SOX5: variants seen among roughly 807,000 people sequenced by gnomAD.
SOX5 encodes SRY-box transcription factor 5.
In SOX5, 9 loss-of-function variants were observed where a neutral mutation model predicts 92.0. The observed-to-expected ratio is 0.10, with a 90% CI of 0.06 to 0.17. The LOEUF is 0.17. SOX5 is among the 10% of genes least tolerant of loss of function. The pLI is 1.00. For synonymous variants in SOX5, 344 were observed against 336.3 expected (o/e 1.02, Z -0.25); for missense variants, 642 against 944.5 (o/e 0.68, Z 4.20).
intron 1 of SOX5, among the ~76,000 whole-genome samples, chr12:24,433,663 G>A (rs1371199163): frequency 6.6e-6 from 1 of 152,190 alleles, no homozygotes; most frequent in Non-Finnish European, 1.5e-5. Context: ...TCATCTTCCT[G>A]AAACTTTCTT....
chr12:24,446,293 G>A (rs1407751387), intron 1 of SOX5, among the ~76,000 whole-genome samples: 3 of 152,088 alleles, frequency 2.0e-5, no homozygotes, highest in Non-Finnish European at 2.9e-5. Flanking sequence ...GACTACCCTA[G>A]ATTGGGTGGC....
At chr12:24,044,660 GTGTT>G (rs1209017283) in intron 4 of SOX5, among the ~76,000 whole-genome samples, 1 of 152,084 alleles carries the variant, frequency 6.6e-6, no homozygotes, top group Non-Finnish European at 1.5e-5. Flanking sequence ...ATATAAATTA[GTGTT>G]TGTCTTTGAG....
intron 8 of SOX5, among the ~76,000 whole-genome samples, chr12:23,617,266 G>A (rs1054317552): frequency 6.6e-6 from 1 of 152,150 alleles, no homozygotes; most frequent in Middle Eastern, 3.4e-3. Context: ...TGAAATAGGG[G>A]GCTTGGAGGT....
intron 9 of SOX5, among the ~76,000 whole-genome samples, chr12:23,589,368 G>A (rs1592331805): frequency 1.3e-5 from 2 of 151,998 alleles, no homozygotes; most frequent in Admixed American, 1.3e-4. Context: ...GCTTATGTAA[G>A]GGAGGTCCAC....
intron 4 of SOX5, among the ~76,000 whole-genome samples, chr12:24,069,048 G>T (rs1941361908): frequency 6.6e-6 from 1 of 151,534 alleles, no homozygotes; most frequent in Non-Finnish European, 1.5e-5. Flanking sequence ...CAGGGACTAG[G>T]TTGCTTGCAT....
chr12:24,380,357 T>C (rs1957702350), intron 1 of SOX5, among the ~76,000 whole-genome samples: 1 of 152,236 alleles, frequency 6.6e-6, no homozygotes, highest in African/African-American at 2.4e-5. Flanking sequence ...TGATGTCGGA[T>C]TATCAAACTG....
At chr12:23,839,313 AC>A (rs1265631975) in intron 3 of SOX5, among the ~76,000 whole-genome samples, 1 of 152,106 alleles carries the variant, frequency 6.6e-6, no homozygotes, top group Non-Finnish European at 1.5e-5. Flanking sequence ...ATTGGGGAAT[AC>A]CAAGGCCATA....
At chr12:23,745,259 A>T (rs563600745) in intron 4 of SOX5, among the ~76,000 whole-genome samples, 1 of 152,114 alleles carries the variant, frequency 6.6e-6, no homozygotes, top group African/African-American at 2.4e-5. Context: ...CTTCACTGCC[A>T]TTTTTGTCAT....
chr12:23,817,822 CT>C (rs1299860695), intron 3 of SOX5, among the ~76,000 whole-genome samples: 1 of 152,162 alleles, frequency 6.6e-6, no homozygotes, highest in Non-Finnish European at 1.5e-5. Context: ...CATAGTTACT[CT>C]CCCAAAAGAC....
chr12:23,848,516 C>G (rs1568315765), intron 2 of SOX5, among the ~76,000 whole-genome samples: 1 of 152,162 alleles, frequency 6.6e-6, no homozygotes, highest in Admixed American at 6.6e-5. Flanking sequence ...ATCTCCTTAA[C>G]AGTTTTATGT....
intron 1 of SOX5, among the ~76,000 whole-genome samples, chr12:24,373,325 C>T (rs12313390): frequency 0.074 from 11,208 of 152,190 alleles, 464 homozygotes; most frequent in Middle Eastern, 0.11. Flanking sequence ...AAACACTAAT[C>T]TTATCGTGTT....
intron 1 of SOX5, among the ~76,000 whole-genome samples, chr12:24,392,885 G>A (rs1959142344): frequency 1.3e-5 from 2 of 152,014 alleles, no homozygotes; most frequent in Non-Finnish European, 2.9e-5. Flanking sequence ...AAACATGTAG[G>A]ACTGGGGACA....
At chr12:23,646,864 C>T (rs950192266) in intron 7 of SOX5, among the ~76,000 whole-genome samples, 3 of 152,176 alleles carry the variant, frequency 2.0e-5, no homozygotes, top group African/African-American at 7.2e-5. Context: ...ATTTCCTCTA[C>T]TGATGTCTTG....
chr12:23,787,417 A>G (rs1305276751), intron 3 of SOX5, among the ~76,000 whole-genome samples: 1 of 151,992 alleles, frequency 6.6e-6, no homozygotes, highest in African/African-American at 2.4e-5. Context: ...ACTTAAAACA[A>G]AAGATTTAAA....
intron 4 of SOX5, chr12:24,212,621 A>C: frequency 2.6e-6 from 1 of 381,898 alleles, no homozygotes; most frequent in Non-Finnish European, 5.2e-6. Context: ...CCCTGGACCC[A>C]GGAATGAACA....
At chr12:24,532,941 G>A (rs919345054) in intron 1 of SOX5, among the ~76,000 whole-genome samples, 4 of 152,178 alleles carry the variant, frequency 2.6e-5, no homozygotes, top group Non-Finnish European at 5.9e-5. Context: ...ACCACCAGTA[G>A]CCTCTCAAAA....
chr12:23,560,488 A>G (rs534240364), intron 11 of SOX5, among the ~76,000 whole-genome samples: 2 of 152,306 alleles, frequency 1.3e-5, no homozygotes, highest in East Asian at 1.9e-4. Flanking sequence ...ACCTTTGTCA[A>G]CTCAAGGATG....
At chr12:24,217,746 A>G (rs1752922061) in intron 3 of SOX5, among the ~76,000 whole-genome samples, 1 of 152,234 alleles carries the variant, frequency 6.6e-6, no homozygotes. Flanking sequence ...GATACACTTG[A>G]CCAGGGACTG....
intron 3 of SOX5, among the ~76,000 whole-genome samples, chr12:23,767,875 A>C (rs2094791496): frequency 6.6e-6 from 1 of 152,034 alleles, no homozygotes; most frequent in South Asian, 2.1e-4. Context: ...CTGTAGATTT[A>C]TATCACCTAA....
Sources: gnomAD v4.1 joint callset for allele counts (sites outside exome capture counted in the v4.1 genomes callset) on GRCh38, gnomAD v4.1.1 for gene constraint, MANE v1.5 for transcripts, NCBI Gene and HGNC (gene_info 2026-07-23, HGNC 2026-07-21) for gene names.